The following ATP11C variants were observed in gnomAD, a reference collection of about 807,000 sequenced individuals.
ATP11C encodes the protein phospholipid-transporting ATPase IG.
ATP11C carries 36 observed loss-of-function variants against 97.4 expected under a neutral mutation model. The ratio of observed to expected loss-of-function variants is 0.37; its 90% CI spans 0.28 to 0.49. ATP11C has a LOEUF of 0.49. ATP11C is among the 20% of genes least tolerant of loss of function. The pLI is 0.98. For synonymous variants in ATP11C, 275 were observed against 290.9 expected (o/e 0.95, Z 0.56); for missense variants, 730 against 824.6 (o/e 0.89, Z 1.40).
intron 1 of ATP11C, among the ~76,000 whole-genome samples, chrX:139,929,307 G>A (rs2148193565): frequency 9.0e-6 from 1 of 111,318 alleles, no homozygotes; most frequent in East Asian, 2.8e-4. Context: ...ACTGTCAAAA[G>A]GAAAGTCATA....
At chrX:139,898,684 C>T (rs1378916331) in intron 1 of ATP11C, among the ~76,000 whole-genome samples, 1 of 111,544 alleles carries the variant, frequency 9.0e-6, no homozygotes, top group African/African-American at 3.3e-5. Context: ...CAATTTAAAT[C>T]AATATTTGAA....
chrX:139,889,406 G>A (rs945815428), intron 1 of ATP11C, among the ~76,000 whole-genome samples: 1 of 111,821 alleles, frequency 8.9e-6, no homozygotes, highest in Non-Finnish European at 1.9e-5. Context: ...GTTGCCAGGG[G>A]TTGGCAGTTT....
chrX:139,857,247 T>C (rs908578448), intron 1 of ATP11C, among the ~76,000 whole-genome samples: 3 of 111,392 alleles, frequency 2.7e-5, no homozygotes, highest in African/African-American at 9.8e-5. Context: ...GCTTCTTCTT[T>C]TAGAAAATCA....
chrX:139,931,854 C>T lies in ATP11C; in HGVS notation c.27+162G>A, dbSNP rs1310325276. 5.4e-5 allele frequency among the ~76,000 whole-genome samples: 6 copies of T among 111,050 alleles called. 1 individual carries two copies. Among genetic ancestry groups the T allele is most frequent in the Non-Finnish European group, 1.1e-4 (6 of 52,925 alleles). On this transcript the variant is annotated intron_variant, in intron 1 of 29. Transcript: ENST00000682941. ...CCGAGAGCCCTACCTGCCTCCCCTC[C>T]CCGGCCGCCTGGGCACCGTGTTTCG...
intron 26 of ATP11C, among the ~76,000 whole-genome samples, chrX:139,741,930 C>A (rs2081563801): frequency 8.9e-6 from 1 of 111,820 alleles, no homozygotes; most frequent in Admixed American, 9.5e-5. Context: ...CATCAGCTCT[C>A]TGTTATAGTT....
intron 12 of ATP11C, among the ~76,000 whole-genome samples, chrX:139,794,196 T>G (rs2148746407): frequency 8.9e-6 from 1 of 112,559 alleles, no homozygotes; most frequent in East Asian, 2.8e-4. Context: ...AGCACTGTTC[T>G]AAACATATCT....
intron 1 of ATP11C, among the ~76,000 whole-genome samples, chrX:139,837,536 A>C (rs913533723): frequency 8.9e-6 from 1 of 112,604 alleles, no homozygotes; most frequent in East Asian, 2.8e-4. Context: ...ATGTTAATAC[A>C]ATTCTAAGTC....
chrX:139,805,476 TGTTAATTATAATTATTA>T (rs1452975070), intron 5 of ATP11C, among the ~76,000 whole-genome samples: 2 of 112,020 alleles, frequency 1.8e-5, no homozygotes, highest in Non-Finnish European at 3.8e-5. Context: ...ACTTCAAAGG[TGTTAATTATAATTATTA>T]CTAACATCCT....
rs374782368 is a variant in ATP11C at position 139,758,250 on chromosome X, T to A, written c.2641-383A>T. Among the ~76,000 whole-genome samples, 17 of 112,340 alleles carry A rather than the reference T, an allele frequency of 1.5e-4. No individual in the cohort carries two copies. The East Asian group carries it at 4.2e-3, about 28-fold the overall frequency. Reference sequence around the variant, plus strand: ...TACATTTAAAGTCAATTAATGCCAATAAATAGTTGGGAAATTATTATAGAT... The same window carrying A: ...TACATTTAAAGTCAATTAATGCCAAAAAATAGTTGGGAAATTATTATAGAT... On this transcript the variant is annotated intron_variant, in intron 22 of 29. Transcript: ENST00000682941.
Position 139,933,007 on chromosome X carries a change from C to T in ATP11C, c.-965G>A, listed in dbSNP as rs1009730998. 1 of 112,522 alleles carries T rather than the reference C, an allele frequency of 8.9e-6. No individual in the cohort carries two copies. Among genetic ancestry groups the T allele is most frequent in the Admixed American group, 9.3e-5 (1 of 10,697 alleles). 9.3% of individuals were successfully genotyped at this position (112,522 alleles called of 1,213,427 possible). On this transcript the variant is annotated 5_prime_UTR_variant, in exon 1 of 30. Transcript: ENST00000682941. ...TCTCGTCCTGCCTGCCCACCTAAGC[C>T]TTCTTACTTCCACTTTCTCTGAGGT... is the stretch of plus-strand genomic sequence containing the variant.
At chrX:139,800,238 A>C in intron 7 of ATP11C, 128 bp from the exon 8 acceptor site, 4 of 463,015 alleles carry the variant, frequency 8.6e-6, no homozygotes, top group Non-Finnish European at 1.5e-5. Flanking sequence ...TGAACTACAA[A>C]AGCCTATTAT....
At position 139,750,065 on chromosome X, in the gene ATP11C, T is replaced by G. The variant is rs760188614; in HGVS notation, c.2788A>C (p.Ile930Leu). 2.5e-5 allele frequency: 30 copies of G among 1,204,764 alleles called. No homozygotes were observed. The highest frequency in any genetic ancestry group is 3.4e-5 in the Non-Finnish European group (30 of 890,248). The change falls in exon 24 of 30, where the codon ATC becomes CTC. Residue 930 changes from isoleucine (I) to leucine (L), a missense_variant. Ile to Leu is a conservative substitution (Grantham distance 5). Transcript: ENST00000682941. ...TCTGAGGTCAGAGTGTCAATGTTGATGTGCTGTTCCAGTAGACTATAGGCC... is the reference window on the plus strand; with the variant it reads ...TCTGAGGTCAGAGTGTCAATGTTGAGGTGCTGTTCCAGTAGACTATAGGCC... The part of the protein sequence containing the change: ...ILAYSLLEQH[I>L]NIDTLTSDPR...
chrX:139,932,091 G>A lies in ATP11C; in HGVS notation c.-49C>T. The stretch of plus-strand genomic sequence containing the variant: ...GAGCTGGGCTCTACCGGGCTGTCTG[G>A]GAAGGCGCCGTCCACAAAACACACT... On this transcript the variant is annotated 5_prime_UTR_variant, in exon 1 of 30. Transcript: ENST00000682941. 1 of 1,111,639 alleles carries A rather than the reference G, an allele frequency of 9.0e-7. No individual in the cohort carries two copies. Among genetic ancestry groups the A allele is most frequent in the South Asian group, 2.2e-5 (1 of 45,711 alleles). The allele number at this position is 1,111,639 out of a possible 1,213,427, so 91.6% of individuals were successfully genotyped here. A position where few individuals can be genotyped will look rare whatever the true frequency, so the allele number is the denominator to read the frequency against.
chrX:139,747,942 T>C (rs1043946614), intron 24 of ATP11C, among the ~76,000 whole-genome samples: 2 of 111,815 alleles, frequency 1.8e-5, no homozygotes, highest in African/African-American at 6.5e-5. Context: ...GCCTTTATTT[T>C]TGCATCAGAT....
chrX:139,804,527 T>C lies in ATP11C; in HGVS notation c.499A>G (p.Thr167Ala). The change falls in exon 6 of 30, where the codon ACT becomes GCT. Residue 167 changes from threonine (T) to alanine (A), a missense_variant. Thr to Ala is a moderately conservative substitution (Grantham distance 58, BLOSUM62 0). Coordinates refer to ENST00000682941, the MANE Select transcript of ATP11C (RefSeq NM_001353812.2). ...GTAGTGACATAACAGGTTCCATCAG[T>C]GGTGCAAGATGATAGAAGAATAAGA... ...CDLILLSSCTTDGTCYVTTAS... is the reference protein window; with the variant it reads ...CDLILLSSCTADGTCYVTTAS... The C allele has an allele frequency of 8.3e-7, 1 of 1,200,253 alleles. No homozygotes were observed. The highest frequency in any genetic ancestry group is 1.7e-5 in the African/African-American group (1 of 57,614).
chrX:139,926,568 T>G (rs1488699340), intron 1 of ATP11C, among the ~76,000 whole-genome samples: 1 of 112,048 alleles, frequency 8.9e-6, no homozygotes, highest in Non-Finnish European at 1.9e-5. Flanking sequence ...AACAAGCTCT[T>G]TTGAACAGTT....
At chrX:139,821,799 C>T (rs781112396) in intron 2 of ATP11C, among the ~76,000 whole-genome samples, 1 of 112,191 alleles carries the variant, frequency 8.9e-6, no homozygotes, top group African/African-American at 3.2e-5. Flanking sequence ...AGAAGATATA[C>T]AAGAAATCTT....
intron 6 of ATP11C, among the ~76,000 whole-genome samples, chrX:139,804,261 A>G (rs1168106710): frequency 1.8e-5 from 2 of 111,357 alleles, no homozygotes; most frequent in Non-Finnish European, 3.8e-5. Flanking sequence ...CTTGGGGCTC[A>G]GTTTTTCCAC....
At chrX:139,911,150 CTTGT>C (rs1478755315) in intron 1 of ATP11C, among the ~76,000 whole-genome samples, 7 of 110,590 alleles carry the variant, frequency 6.3e-5, no homozygotes, top group Non-Finnish European at 1.1e-4. Flanking sequence ...AAATTAAGAA[CTTGT>C]TTATCAAAAG....
Sources: allele counts gnomAD v4.1 joint callset (sites outside exome capture counted in the v4.1 genomes callset), GRCh38; gene constraint gnomAD v4.1.1; transcripts MANE v1.5; gene names NCBI Gene and HGNC (gene_info 2026-07-23, HGNC 2026-07-21).